NLGN1: variants seen among roughly 807,000 people sequenced by gnomAD.
NLGN1 encodes neuroligin 1.
In NLGN1, 12 loss-of-function variants were observed where a neutral mutation model predicts 65.5. The ratio of observed to expected loss-of-function variants is 0.18; its 90% CI spans 0.12 to 0.30. NLGN1 has a LOEUF of 0.30. NLGN1 is among the 10% of genes least tolerant of loss of function. The pLI is 1.00. For missense variants in NLGN1, 750 were observed against 1,007.1 expected, an observed-to-expected ratio of 0.74 and a Z score of 3.46; for synonymous variants, 350 against 359.5, an observed-to-expected ratio of 0.97 and a Z score of 0.30.
chr3:174,232,711 G>T (rs1178230924), intron 4 of NLGN1, among the ~76,000 whole-genome samples: 1 of 152,152 alleles, frequency 6.6e-6, no homozygotes, highest in Non-Finnish European at 1.5e-5. Flanking sequence ...GGTAAATTAA[G>T]TTTAATGGCA....
chr3:173,396,060 T>TGGCGGCGGCGGC (rs879786935), upstream of NLGN1, among the ~76,000 whole-genome samples: 1 of 151,574 alleles, frequency 6.6e-6, no homozygotes, highest in Admixed American at 6.6e-5. Context: ...CAGGTAGCAG[T>TGGCGGCGGCGGC]GGCGGCGGCG....
intron 2 of NLGN1, among the ~76,000 whole-genome samples, chr3:173,450,360 T>G (rs1721257415): frequency 1.3e-5 from 2 of 152,200 alleles, no homozygotes; most frequent in Admixed American, 1.3e-4. Context: ...GGGTTGAAAA[T>G]TCTTTTCTTT....
chr3:173,639,686 C>G (rs1185200448), intron 3 of NLGN1, among the ~76,000 whole-genome samples: 5 of 152,138 alleles, frequency 3.3e-5, no homozygotes, highest in African/African-American at 1.2e-4. Context: ...CTGAGAGTCT[C>G]CCAGAGAAAA....
intron 4 of NLGN1, among the ~76,000 whole-genome samples, chr3:173,977,606 G>A (rs986455874): frequency 6.6e-6 from 1 of 151,938 alleles, no homozygotes; most frequent in Non-Finnish European, 1.5e-5. Flanking sequence ...CAACAAGCCG[G>A]CTTGTGATCC....
intron 4 of NLGN1, among the ~76,000 whole-genome samples, chr3:174,248,984 G>A (rs1046879374): frequency 6.6e-6 from 1 of 152,084 alleles, no homozygotes; most frequent in Non-Finnish European, 1.5e-5. Flanking sequence ...GGAAATCTGC[G>A]ATGCTGCTAT....
chr3:173,853,887 C>T (rs957951769), intron 4 of NLGN1, among the ~76,000 whole-genome samples: 2 of 151,728 alleles, frequency 1.3e-5, no homozygotes, highest in East Asian at 1.9e-4. Flanking sequence ...TAATATGATT[C>T]ATTTTATAAA....
At chr3:174,085,897 C>T (rs1214844005) in intron 4 of NLGN1, among the ~76,000 whole-genome samples, 1 of 151,846 alleles carries the variant, frequency 6.6e-6, no homozygotes, top group African/African-American at 2.4e-5. Flanking sequence ...CTTTTAGTGG[C>T]ATTATCTGAG....
intron 4 of NLGN1, among the ~76,000 whole-genome samples, chr3:174,193,466 G>A (rs1243711757): frequency 6.6e-6 from 1 of 152,144 alleles, no homozygotes; most frequent in East Asian, 1.9e-4. Flanking sequence ...AAAAAAGTAG[G>A]TTTTGAACTG....
intron 2 of NLGN1, among the ~76,000 whole-genome samples, chr3:173,473,835 G>A (rs924590022): frequency 6.6e-6 from 1 of 152,150 alleles, no homozygotes; most frequent in African/African-American, 2.4e-5. Context: ...GTGCACTACA[G>A]CTGCTAGATG....
At chr3:173,718,241 C>T (rs906234255) in intron 3 of NLGN1, among the ~76,000 whole-genome samples, 1 of 151,526 alleles carries the variant, frequency 6.6e-6, no homozygotes, top group African/African-American at 2.4e-5. Context: ...AACACTAGAA[C>T]TTCCTTCTTC....
intron 2 of NLGN1, among the ~76,000 whole-genome samples, chr3:173,552,622 G>A (rs1741058728): frequency 6.6e-6 from 1 of 152,146 alleles, no homozygotes; most frequent in Non-Finnish European, 1.5e-5. Context: ...CAAGGCCAGA[G>A]TTCTTGCTAG....
intron 3 of NLGN1, among the ~76,000 whole-genome samples, chr3:173,661,246 G>A (rs948491516): frequency 7.9e-5 from 12 of 151,970 alleles, no homozygotes; most frequent in Non-Finnish European, 1.8e-4. Flanking sequence ...CTCATTTGAT[G>A]ACTGATATTT....
At chr3:174,123,067 C>T (rs1718128390) in intron 4 of NLGN1, among the ~76,000 whole-genome samples, 1 of 151,776 alleles carries the variant, frequency 6.6e-6, no homozygotes, top group African/African-American at 2.4e-5. Context: ...ATCAGTTATG[C>T]ATTTAGGTAG....
intron 4 of NLGN1, among the ~76,000 whole-genome samples, chr3:174,216,734 G>A (rs1737688561): frequency 6.6e-6 from 1 of 152,030 alleles, no homozygotes; most frequent in Admixed American, 6.6e-5. Flanking sequence ...AGGTTGTAAT[G>A]CTAGGTCAGC....
At chr3:173,718,755 A>G (rs982836088) in intron 3 of NLGN1, among the ~76,000 whole-genome samples, 10 of 152,184 alleles carry the variant, frequency 6.6e-5, no homozygotes, top group Non-Finnish European at 1.3e-4. Flanking sequence ...ATCTGATGCA[A>G]ATTGTTTCAA....
At chr3:173,539,681 T>TATATGTATATATGTACATATATAACATAC (rs1402914096) in intron 2 of NLGN1, among the ~76,000 whole-genome samples, 1 of 98,790 alleles carries the variant, frequency 1.0e-5, no homozygotes, top group African/African-American at 4.3e-5. Flanking sequence ...ATATATAACA[T>TATATGTATATATGTACATATATAACATAC]ACATATATGT....
At chr3:174,275,287 A>G (rs762159583) in intron 4 of NLGN1, 28 bp from the exon 5 acceptor site, 1 of 1,554,220 alleles carries the variant, frequency 6.4e-7, no homozygotes, top group Non-Finnish European at 8.9e-7. Flanking sequence ...TCAGCTCAAA[A>G]CGTGTTTTCT....
At chr3:173,559,838 T>C (rs1028003759) in intron 2 of NLGN1, among the ~76,000 whole-genome samples, 2 of 152,034 alleles carry the variant, frequency 1.3e-5, no homozygotes, top group African/African-American at 4.8e-5. Context: ...AAATTGCATA[T>C]AAACGATTTT....
chr3:173,951,473 T>C (rs1273698447), intron 4 of NLGN1, among the ~76,000 whole-genome samples: 2 of 146,858 alleles, frequency 1.4e-5, no homozygotes, highest in Non-Finnish European at 3.0e-5. Flanking sequence ...TTTTTTTTTC[T>C]TTGTTTTGAG....
Sources: gnomAD v4.1 joint callset for allele counts (sites outside exome capture counted in the v4.1 genomes callset) on GRCh38, gnomAD v4.1.1 for gene constraint, MANE v1.5 for transcripts, NCBI Gene and HGNC (gene_info 2026-07-23, HGNC 2026-07-21) for gene names.